Variants in LRP1B observed in about 807,000 individuals in gnomAD.
LRP1B encodes the protein LDL receptor related protein 1B.
A neutral mutation model predicts 556.6 loss-of-function variants in LRP1B; 217 were observed. The ratio of observed to expected loss-of-function variants is 0.39; its 90% CI spans 0.35 to 0.44. The LOEUF (loss-of-function observed/expected upper bound fraction) is 0.44, where lower values mean the gene tolerates loss of function less well. Ranked by LOEUF, LRP1B falls within the 20% of genes least tolerant of loss-of-function variation. The pLI is 1.00. For missense variants in LRP1B, 5,053 were observed against 5,620.8 expected (o/e 0.90, Z 3.23); for synonymous variants, 2,047 against 1,865.8 (o/e 1.10, Z -2.50).
chr2:140,411,038 C>T (rs1684950523), intron 66 of LRP1B, among the ~76,000 whole-genome samples: 1 of 152,110 alleles, frequency 6.6e-6, no homozygotes, highest in Admixed American at 6.6e-5. Context: ...TTTCCAGTGC[C>T]ACCTGTATGG....
At chr2:141,620,079 A>T (rs963348557) in intron 2 of LRP1B, among the ~76,000 whole-genome samples, 1 of 152,162 alleles carries the variant, frequency 6.6e-6, no homozygotes, top group Non-Finnish European at 1.5e-5. Flanking sequence ...TGGCCTCCTG[A>T]GTAGCTGGAA....
chr2:140,487,184 T>C (rs1403020900), intron 58 of LRP1B, among the ~76,000 whole-genome samples: 3 of 151,890 alleles, frequency 2.0e-5, no homozygotes, highest in African/African-American at 4.8e-5. Flanking sequence ...ATGAATTCAA[T>C]TATTTACAAC....
At chr2:141,394,473 TA>T (rs954295507) in intron 3 of LRP1B, among the ~76,000 whole-genome samples, 4 of 151,966 alleles carry the variant, frequency 2.6e-5, no homozygotes, top group Non-Finnish European at 5.9e-5. Flanking sequence ...TGAAATATGT[TA>T]AAAAAAATCT....
chr2:141,784,713 T>C (rs1376539970), intron 2 of LRP1B, among the ~76,000 whole-genome samples: 1 of 151,926 alleles, frequency 6.6e-6, no homozygotes, highest in African/African-American at 2.4e-5. Context: ...ACATGTGCAT[T>C]ATATAATAAG....
intron 85 of LRP1B, among the ~76,000 whole-genome samples, chr2:140,270,623 CTCTAATA>C (rs1682416455): frequency 6.6e-6 from 1 of 151,888 alleles, no homozygotes; most frequent in African/African-American, 2.4e-5. Context: ...AAAAAATATA[CTCTAATA>C]TCTATCATTT....
chr2:141,801,590 C>A (rs1696008684), intron 2 of LRP1B, among the ~76,000 whole-genome samples: 1 of 152,152 alleles, frequency 6.6e-6, no homozygotes, highest in Admixed American at 6.6e-5. Flanking sequence ...CATCATCTAT[C>A]AATACTTGAA....
chr2:141,777,942 T>C (rs534199308), intron 2 of LRP1B, among the ~76,000 whole-genome samples: 1 of 152,200 alleles, frequency 6.6e-6, no homozygotes, highest in African/African-American at 2.4e-5. Flanking sequence ...ACATGAAAAA[T>C]AAAATGTATG....
At chr2:140,589,944 G>T (rs1183246647) in intron 43 of LRP1B, among the ~76,000 whole-genome samples, 1 of 152,066 alleles carries the variant, frequency 6.6e-6, no homozygotes, top group East Asian at 1.9e-4. Context: ...CCACATAAGT[G>T]TCTATACCCT....
At chr2:140,927,708 C>CG (rs547324630) in intron 20 of LRP1B, among the ~76,000 whole-genome samples, 1 of 116,102 alleles carries the variant, frequency 8.6e-6, no homozygotes, top group Non-Finnish European at 1.7e-5. Flanking sequence ...ACGAGGAAGG[C>CG]TTTTTTTTTT....
At chr2:141,764,677 G>C (rs1385186660) in intron 2 of LRP1B, among the ~76,000 whole-genome samples, 1 of 132,030 alleles carries the variant, frequency 7.6e-6, no homozygotes, top group Admixed American at 8.2e-5. Context: ...AATACATTTA[G>C]GACACTCAGT....
At chr2:141,446,862 A>C (rs1039392856) in intron 3 of LRP1B, among the ~76,000 whole-genome samples, 1 of 151,898 alleles carries the variant, frequency 6.6e-6, no homozygotes, top group Non-Finnish European at 1.5e-5. Context: ...CTTCATTTCA[A>C]TCTTGGTGAA....
intron 66 of LRP1B, among the ~76,000 whole-genome samples, chr2:140,398,503 T>A (rs1264418087): frequency 1.4e-5 from 2 of 140,358 alleles, no homozygotes; most frequent in African/African-American, 5.3e-5. Flanking sequence ...TTTCTGTTTT[T>A]TCTCTTTCTT....
At chr2:141,997,887 G>T (rs541677813) in intron 1 of LRP1B, among the ~76,000 whole-genome samples, 33 of 152,066 alleles carry the variant, frequency 2.2e-4, no homozygotes, top group African/African-American at 7.5e-4. Context: ...AGGAAACTCT[G>T]TTTTTCCTTA....
intron 1 of LRP1B, among the ~76,000 whole-genome samples, chr2:142,111,267 C>T (rs761545176): frequency 1.1e-4 from 16 of 152,124 alleles, no homozygotes; most frequent in African/African-American, 3.1e-4. Flanking sequence ...CAAAGAGGTG[C>T]GCAAAGGTTC....
At chr2:141,187,229 C>T (rs1033599181) in intron 7 of LRP1B, among the ~76,000 whole-genome samples, 1 of 152,040 alleles carries the variant, frequency 6.6e-6, no homozygotes, top group Non-Finnish European at 1.5e-5. Context: ...GAGCTACATT[C>T]AAGAATTATA....
chr2:140,326,877 GTTTCATTTTTTGA>G (rs1298530605), intron 79 of LRP1B, among the ~76,000 whole-genome samples: 4 of 151,954 alleles, frequency 2.6e-5, no homozygotes, highest in African/African-American at 9.7e-5. Flanking sequence ...TACTTTTTTA[GTTTCATTTTTTGA>G]TTTCATGAAT....
chr2:141,116,504 A>T (rs941424916), intron 7 of LRP1B, among the ~76,000 whole-genome samples: 3 of 152,156 alleles, frequency 2.0e-5, no homozygotes, highest in Non-Finnish European at 4.4e-5. Context: ...AATGAGGCTT[A>T]TCCAGTCATG....
At chr2:140,704,175 T>C (rs1360841226) in intron 37 of LRP1B, among the ~76,000 whole-genome samples, 2 of 152,164 alleles carry the variant, frequency 1.3e-5, no homozygotes, top group African/African-American at 4.8e-5. Flanking sequence ...GAATAATATA[T>C]GTGAATAGTC....
chr2:141,686,026 G>A (rs1403169073), intron 2 of LRP1B, among the ~76,000 whole-genome samples: 1 of 151,952 alleles, frequency 6.6e-6, no homozygotes. Flanking sequence ...GAATAATTCA[G>A]TTATACCTAG....
Sources: allele counts gnomAD v4.1 joint callset (sites outside exome capture counted in the v4.1 genomes callset), GRCh38; gene constraint gnomAD v4.1.1; transcripts MANE v1.5; gene names NCBI Gene and HGNC (gene_info 2026-07-23, HGNC 2026-07-21).